Variants in SYT9 observed in about 807,000 individuals in gnomAD.
SYT9 encodes the protein synaptotagmin-9.
A neutral mutation model predicts 48.4 loss-of-function variants in SYT9; 22 were observed. The ratio of observed to expected loss-of-function variants is 0.45; its 90% confidence interval spans 0.32 to 0.65. The LOEUF (loss-of-function observed/expected upper bound fraction) is 0.65, where lower values mean the gene tolerates loss of function less well. Among genes scored for constraint, SYT9 ranks in the 30% least tolerant of loss-of-function variants. The pLI is 0.03. For synonymous variants in SYT9, 265 were observed against 245.0 expected (o/e 1.08, Z -0.76); for missense variants, 577 against 622.0 (o/e 0.93, Z 0.77).
intron 3 of SYT9, among the ~76,000 whole-genome samples, chr11:7,329,767 C>T (rs967705089): frequency 3.3e-5 from 5 of 152,164 alleles, no homozygotes; most frequent in African/African-American, 1.2e-4. Flanking sequence ...TTAGCTGTGG[C>T]ATTTGCCCCA....
At chr11:7,406,568 A>ATG (rs1237372754) in intron 3 of SYT9, among the ~76,000 whole-genome samples, 4 of 117,984 alleles carry the variant, frequency 3.4e-5, no homozygotes, top group African/African-American at 9.3e-5. Context: ...ATATATATAT[A>ATG]GCACATTTTC....
chr11:7,410,587 A>G (rs1847118241), intron 3 of SYT9, among the ~76,000 whole-genome samples: 2 of 152,144 alleles, frequency 1.3e-5, no homozygotes, highest in African/African-American at 2.4e-5. Flanking sequence ...TCCCTTTATC[A>G]TTATATAATG....
At chr11:7,373,918 A>T (rs1850407073) in intron 3 of SYT9, among the ~76,000 whole-genome samples, 1 of 151,850 alleles carries the variant, frequency 6.6e-6, no homozygotes, top group African/African-American at 2.4e-5. Flanking sequence ...TGTCCTAGAG[A>T]GTTCTTTTAT....
At chr11:7,287,193 G>A (rs978010830) in intron 1 of SYT9, among the ~76,000 whole-genome samples, 9 of 152,082 alleles carry the variant, frequency 5.9e-5, no homozygotes, top group Non-Finnish European at 1.0e-4. Flanking sequence ...AAGCAACCAC[G>A]CCTTTCTTCA....
At chr11:7,370,825 A>G (rs1171252901) in intron 3 of SYT9, among the ~76,000 whole-genome samples, 1 of 152,184 alleles carries the variant, frequency 6.6e-6, no homozygotes, top group Non-Finnish European at 1.5e-5. Context: ...TATGGGATCT[A>G]TTGTGAATGA....
intron 3 of SYT9, 69 bp downstream of exon 3, chr11:7,314,010 A>C: frequency 6.6e-7 from 1 of 1,522,998 alleles, no homozygotes; most frequent in Non-Finnish European, 8.8e-7. Context: ...GATTACTTAC[A>C]CATTATCTTG....
At position 7,282,103 on chromosome 11, in the gene SYT9, A is replaced by G. The variant is rs191672257; in HGVS notation, c.146-20936A>G. The stretch of plus-strand genomic sequence containing the variant: ...GCAACTTGGCTGCTATTTCAGCCAT[A>G]AGAGATTTTCTGTAGGTCCTCAAAT... On this transcript the variant is annotated intron_variant, in intron 1 of 6. Transcript: ENST00000318881. Among the ~76,000 whole-genome samples, 6 of 152,364 alleles carry G rather than the reference A, an allele frequency of 3.9e-5. No individual in the cohort carries two copies. The East Asian group carries it at 1.2e-3, about 29-fold the overall frequency.
chr11:7,366,370 A>G (rs536548434), intron 3 of SYT9, among the ~76,000 whole-genome samples: 4 of 152,212 alleles, frequency 2.6e-5, no homozygotes, highest in Non-Finnish European at 5.9e-5. Context: ...AGACATAAAC[A>G]TAACTATGCA....
At chr11:7,410,506 T>C (rs1847116762) in intron 3 of SYT9, among the ~76,000 whole-genome samples, 1 of 152,234 alleles carries the variant, frequency 6.6e-6, no homozygotes, top group Admixed American at 6.5e-5. Flanking sequence ...ATTTGCTTTA[T>C]GAATCTGGGC....
chr11:7,435,318 A>G (rs868276002), intron 6 of SYT9: 1 of 152,174 alleles, frequency 6.6e-6, no homozygotes, highest in South Asian at 2.1e-4. Context: ...GGAAATAATA[A>G]GGAAGAAAAG....
chr11:7,353,640 T>G (rs892440615), intron 3 of SYT9, among the ~76,000 whole-genome samples: 1 of 152,192 alleles, frequency 6.6e-6, no homozygotes, highest in African/African-American at 2.4e-5. Flanking sequence ...AATCCTATAG[T>G]TTTTAGAGTT....
Position 7,252,305 on chromosome 11 carries a change from G to A in SYT9, c.119G>A (p.Arg40His). 2.7e-6 allele frequency: 4 copies of A among 1,505,160 alleles called. No individual in the cohort carries two copies. The highest frequency in any genetic ancestry group is 1.3e-5 in the South Asian group (1 of 78,508). The allele number at this position is 1,505,160 out of a possible 1,614,324, so 93.2% of individuals were successfully genotyped here. The change falls in exon 1 of 7, where the codon CGT becomes CAT. Residue 40 changes from arginine (R) to histidine (H), a missense_variant. Arg to His is a conservative substitution (Grantham distance 29). Transcript: ENST00000318881. This position sits in a 1 kb window ranked among gnomAD's most constrained non-coding sequence, Gnocchi z 6.3. ...CQDFIYHLRD[R>H]ARPRLRDPDI... ...GATTTCATTTACCACCTGCGGGACC[G>A]TGCCAGACCCCGGCTCCGCGACCCA... is the stretch of plus-strand genomic sequence containing the variant.
chr11:7,364,711 T>G (rs1269280054), intron 3 of SYT9, among the ~76,000 whole-genome samples: 1 of 152,224 alleles, frequency 6.6e-6, no homozygotes, highest in Non-Finnish European at 1.5e-5. Context: ...TGTGGATATT[T>G]AAGATCGTTT....
At chr11:7,255,841 C>G (rs2119780381) in intron 1 of SYT9, among the ~76,000 whole-genome samples, 1 of 152,312 alleles carries the variant, frequency 6.6e-6, no homozygotes, top group East Asian at 1.9e-4. Flanking sequence ...TACAGTTGAA[C>G]AGTGACCTGA....
chr11:7,383,156 G>A lies in SYT9; in HGVS notation c.1045-32886G>A, dbSNP rs183724579. 1.3e-3 allele frequency among the ~76,000 whole-genome samples: 201 copies of A among 152,254 alleles called. 1 individual carries two copies. The highest frequency in any genetic ancestry group is 0.01 in the Admixed American group (158 of 15,290). On this transcript the variant is annotated intron_variant, in intron 3 of 6. Coordinates refer to ENST00000318881, the MANE Select transcript of SYT9 (RefSeq NM_175733.4). ...CGTCGTCCATGTTATAGGTGGACCC[G>A]GCTTGGACCATCAGTGTGATTATTA...
intron 6 of SYT9, among the ~76,000 whole-genome samples, chr11:7,436,965 T>G (rs1189717890): frequency 1.4e-4 from 21 of 152,200 alleles, no homozygotes; most frequent in Admixed American, 1.4e-3. Context: ...GATAACTGTG[T>G]GAGGATGATT....
intron 3 of SYT9, among the ~76,000 whole-genome samples, chr11:7,376,345 TTTCCTTCCTTCC>T (rs370224542): frequency 3.5e-5 from 5 of 142,666 alleles, no homozygotes; most frequent in African/African-American, 8.0e-5. Context: ...TCCCTCTTTC[TTTCCTTCCTTCC>T]TTCCTTCCTT....
intron 1 of SYT9, among the ~76,000 whole-genome samples, chr11:7,289,447 T>C (rs1166729549): frequency 1.3e-5 from 2 of 152,230 alleles, no homozygotes; most frequent in South Asian, 2.1e-4. Flanking sequence ...CACTGAACTA[T>C]ACTTTAAAAT....
chr11:7,313,470 G>T lies in SYT9; in HGVS notation c.573G>T (p.Gln191His), dbSNP rs199793093. The T allele has an allele frequency of 6.2e-7, 1 of 1,614,166 alleles. No individual in the cohort carries two copies. Among genetic ancestry groups the T allele is most frequent in the African/African-American group, 1.3e-5 (1 of 75,058 alleles). ...FNIQQLQKQE[Q>H]LTGIGRIKPE... Reference sequence around the variant, plus strand: ...TCCAGCAGCTTCAAAAACAGGAACAGTTGACTGGAATTGGTAGAATTAAAC... The same window carrying T: ...TCCAGCAGCTTCAAAAACAGGAACATTTGACTGGAATTGGTAGAATTAAAC... The change falls in exon 3 of 7, where the codon CAG becomes CAT. Residue 191 changes from glutamine to histidine, a missense_variant. Gln to His is a conservative substitution (Grantham distance 24). Coordinates refer to ENST00000318881, the MANE Select transcript of SYT9 (RefSeq NM_175733.4).
Sources: gnomAD v4.1 joint callset for allele counts (sites outside exome capture counted in the v4.1 genomes callset) on GRCh38, gnomAD v4.1.1 for gene constraint, Gnocchi (gnomAD v3.1) non-coding constraint, MANE v1.5 for transcripts, NCBI Gene and HGNC (gene_info 2026-07-23, HGNC 2026-07-21) for gene names.